The following ARHGAP25 variants were observed in gnomAD, a reference collection of about 807,000 sequenced individuals.
The protein encoded by ARHGAP25 is Rho GTPase activating protein 25, also known as rho GTPase-activating protein 25.
A neutral mutation model predicts 71.0 loss-of-function variants in ARHGAP25; 34 were observed. The observed-to-expected ratio is 0.48, with a 90% CI of 0.36 to 0.64. The LOEUF is 0.64. Among genes scored for constraint, ARHGAP25 ranks in the 30% least tolerant of loss-of-function variants. The probability of loss-of-function intolerance (pLI) is 0.00; values close to 1 mark genes in which losing one functional copy is unlikely to be tolerated. For synonymous variants in ARHGAP25, 282 were observed against 296.5 expected (o/e 0.95, Z 0.50); for missense variants, 706 against 805.1 (o/e 0.88, Z 1.49).
chr2:68,745,256 C>T (rs1005721950), intron 1 of ARHGAP25, among the ~76,000 whole-genome samples: 1 of 152,146 alleles, frequency 6.6e-6, no homozygotes, highest in African/African-American at 2.4e-5. Context: ...CACTCATAGT[C>T]ATAAATAAAC....
At chr2:68,776,291 G>C (rs1375944944) in intron 2 of ARHGAP25, among the ~76,000 whole-genome samples, 1 of 152,020 alleles carries the variant, frequency 6.6e-6, no homozygotes, top group African/African-American at 2.4e-5. Flanking sequence ...GCAGGCCACT[G>C]TAAGGACCTG....
intron 1 of ARHGAP25, among the ~76,000 whole-genome samples, chr2:68,773,840 ATACT>A (rs1185819725): frequency 6.6e-6 from 1 of 152,222 alleles, no homozygotes; most frequent in African/African-American, 2.4e-5. Flanking sequence ...AGAGTAACAT[ATACT>A]TACCTTTGAC....
At chr2:68,803,505 T>C (rs1316194588) in intron 4 of ARHGAP25, among the ~76,000 whole-genome samples, 1 of 151,750 alleles carries the variant, frequency 6.6e-6, no homozygotes, top group African/African-American at 2.4e-5. Flanking sequence ...TACAAGTATA[T>C]GGTAAAGAGA....
At chr2:68,790,342 T>A (rs968552667) in intron 4 of ARHGAP25, among the ~76,000 whole-genome samples, 3 of 152,210 alleles carry the variant, frequency 2.0e-5, no homozygotes, top group Admixed American at 6.5e-5. Context: ...AGGGCATTTT[T>A]AAGACAGTAT....
chr2:68,822,543 T>C lies in ARHGAP25; in HGVS notation c.1404T>C (p.Asn468=), dbSNP rs1319241786. 1.9e-6 allele frequency: 3 copies of C among 1,614,058 alleles called. No individual in the cohort carries two copies. The highest frequency in any genetic ancestry group is 2.7e-5 in the African/African-American group (2 of 74,914). The change falls in exon 10 of 11, where the codon AAT becomes AAC. Residue 468 remains asparagine (N), a synonymous_variant. Coordinates refer to ENST00000409202, the MANE Select transcript of ARHGAP25 (RefSeq NM_001007231.3). ...GCAGCAAAATGGAGATCTTTAAAAA[T>C]GAATTCTGGTCGCCTTCCTCAGAGG... ...ANSSKMEIFK[N]EFWSPSSEAK... is the part of the protein sequence containing the mutation.
At chr2:68,815,485 C>G (rs1681145374) in intron 6 of ARHGAP25, among the ~76,000 whole-genome samples, 1 of 109,330 alleles carries the variant, frequency 9.1e-6, no homozygotes, top group Non-Finnish European at 1.7e-5. Context: ...GAGTTTGGCT[C>G]TTTCGCCCAG....
intron 3 of ARHGAP25, among the ~76,000 whole-genome samples, chr2:68,783,273 TA>T (rs1678479066): frequency 6.6e-6 from 1 of 152,122 alleles, no homozygotes; most frequent in Non-Finnish European, 1.5e-5. Flanking sequence ...AAAGATTTAA[TA>T]AGGAAATAAA....
intron 4 of ARHGAP25, among the ~76,000 whole-genome samples, chr2:68,798,100 G>A (rs11126196): frequency 6.6e-6 from 1 of 151,982 alleles, no homozygotes; most frequent in South Asian, 2.1e-4. Flanking sequence ...CAGCCATCTT[G>A]AAAAAAAAGA....
intron 2 of ARHGAP25, among the ~76,000 whole-genome samples, chr2:68,716,460 A>G (rs774885048): frequency 5.3e-5 from 8 of 152,218 alleles, no homozygotes; most frequent in Non-Finnish European, 1.2e-4. Context: ...CATTCAAGGT[A>G]GATGGGGACA....
At chr2:68,815,368 G>C (rs1045783485) in intron 6 of ARHGAP25, among the ~76,000 whole-genome samples, 1 of 151,956 alleles carries the variant, frequency 6.6e-6, no homozygotes, top group Admixed American at 6.5e-5. Context: ...GACAAGGCTG[G>C]AGGGTGCGTT....
At chr2:68,806,696 G>A (rs1004339030) in intron 4 of ARHGAP25, among the ~76,000 whole-genome samples, 1 of 152,180 alleles carries the variant, frequency 6.6e-6, no homozygotes, top group African/African-American at 2.4e-5. Context: ...CTTATGAACT[G>A]TTTGTTTCTG....
Position 68,735,007 on chromosome 2 carries a change from A to T in ARHGAP25, c.-193A>T. Reference sequence around the variant, plus strand: ...GGTGCCATCCTCCAGTGACAGATGGATGGACCTTTCATCTAAGAGAAAGGA... The same window carrying T: ...GGTGCCATCCTCCAGTGACAGATGGTTGGACCTTTCATCTAAGAGAAAGGA... On this transcript the variant is annotated 5_prime_UTR_variant, in exon 1 of 11. It removes an upstream start codon present in the reference 5' UTR. Transcript: ENST00000409202. 3 of 625,786 alleles carry T rather than the reference A, an allele frequency of 4.8e-6. No individual in the cohort carries two copies. In the Admixed American group the frequency reaches 8.1e-5, roughly 17 times the overall value. 38.8% of individuals were successfully genotyped at this position (625,786 alleles called of 1,614,324 possible). A position where few individuals can be genotyped will look rare whatever the true frequency, so the allele number is the denominator to read the frequency against.
At chr2:68,741,017 T>G (rs1015022293) in intron 1 of ARHGAP25, among the ~76,000 whole-genome samples, 6 of 152,232 alleles carry the variant, frequency 3.9e-5, no homozygotes, top group African/African-American at 1.2e-4. Context: ...GTAACACATA[T>G]GCTGAGAGGA....
chr2:68,732,235 C>T (rs1675040345), upstream of ARHGAP25, among the ~76,000 whole-genome samples: 1 of 152,164 alleles, frequency 6.6e-6, no homozygotes. Flanking sequence ...ATCTGATTGC[C>T]TTTCCGCATC....
At chr2:68,728,916 A>G (rs1297169287) in intron 2 of ARHGAP25, among the ~76,000 whole-genome samples, 2 of 152,260 alleles carry the variant, frequency 1.3e-5, no homozygotes, top group African/African-American at 4.8e-5. Context: ...TTATTTGGCC[A>G]TGAAAAGAAA....
At chr2:68,785,721 G>T (rs550240966) in intron 3 of ARHGAP25, among the ~76,000 whole-genome samples, 30 of 152,176 alleles carry the variant, frequency 2.0e-4, no homozygotes, top group Non-Finnish European at 3.4e-4. Flanking sequence ...GGGAAGAAAG[G>T]TCCCTAGAAA....
At chr2:68,824,449 G>T (rs1391876028) in intron 10 of ARHGAP25, among the ~76,000 whole-genome samples, 1 of 152,176 alleles carries the variant, frequency 6.6e-6, no homozygotes, top group African/African-American at 2.4e-5. Context: ...TAATGAGAGG[G>T]TCAGAAGGAA....
chr2:68,770,414 A>G (rs1167896612), intron 1 of ARHGAP25, among the ~76,000 whole-genome samples: 1 of 152,192 alleles, frequency 6.6e-6, no homozygotes, highest in Non-Finnish European at 1.5e-5. Context: ...CCCAGCTCTG[A>G]AAGAACTATT....
upstream of ARHGAP25, among the ~76,000 whole-genome samples, chr2:68,729,912 G>T (rs1674975437): frequency 6.6e-6 from 1 of 152,174 alleles, no homozygotes; most frequent in African/African-American, 2.4e-5. Context: ...GGGGGGAAAA[G>T]GACTAGATTT....
Sources: gnomAD v4.1 joint callset for allele counts (sites outside exome capture counted in the v4.1 genomes callset) on GRCh38, gnomAD v4.1.1 for gene constraint, MANE v1.5 for transcripts, NCBI Gene and HGNC (gene_info 2026-07-23, HGNC 2026-07-21) for gene names.